PCDHGB3: variants seen among roughly 807,000 people sequenced by gnomAD.
PCDHGB3 encodes the protein protocadherin gamma subfamily B, 3.
PCDHGB3 carries 40 observed loss-of-function variants against 59.2 expected under a neutral mutation model. The observed-to-expected ratio is 0.68, with a 90% confidence interval of 0.52 to 0.88. PCDHGB3 has a LOEUF of 0.88. Among genes scored for constraint, PCDHGB3 ranks in the 40% least tolerant of loss-of-function variants. The pLI is 0.00. For synonymous variants in PCDHGB3, 581 were observed against 503.6 expected, an observed-to-expected ratio of 1.15 and a Z score of -2.06; for missense variants, 1,309 against 1,187.9, an observed-to-expected ratio of 1.10 and a Z score of -1.50.
chr5:141,423,805 G>GT (rs1384575574), intron 1 of PCDHGB3: 44 of 1,261,806 alleles, frequency 3.5e-5, no homozygotes, highest in South Asian at 8.9e-5. Context: ...AGCAATACAT[G>GT]TGAGTTTTAC....
intron 1 of PCDHGB3, among the ~76,000 whole-genome samples, chr5:141,459,559 A>AC (rs920626314): frequency 6.6e-6 from 1 of 152,198 alleles, no homozygotes; most frequent in Non-Finnish European, 1.5e-5. Flanking sequence ...TTGGATAAAT[A>AC]CCCCAAAACA....
At chr5:141,452,751 A>C (rs1592230802) in intron 1 of PCDHGB3, among the ~76,000 whole-genome samples, 1 of 152,094 alleles carries the variant, frequency 6.6e-6, no homozygotes, top group South Asian at 2.1e-4. Context: ...AGAAGGAAGA[A>C]GGAAGGGAGG....
rs369141362 is a variant in PCDHGB3 at position 141,404,800 on chromosome 5, C to T, written c.2415+31991C>T. The T allele has an allele frequency of 1.8e-5, 29 of 1,613,852 alleles. No homozygotes were observed. The Admixed American group carries it at 3.3e-4, about 19-fold the overall frequency. On this transcript the variant is annotated intron_variant, in intron 1 of 3. Transcript: ENST00000576222. ...TATTCAAGGCCAGTGAGCCAGGGCT[C>T]TTCTCGGTGGGGCTGCACACAGGTG... is the stretch of plus-strand genomic sequence containing the variant.
At chr5:141,504,303 G>A (rs1157625808) in intron 2 of PCDHGB3, among the ~76,000 whole-genome samples, 4 of 151,938 alleles carry the variant, frequency 2.6e-5, no homozygotes, top group Admixed American at 2.6e-4. Context: ...TTCAACACTC[G>A]GAGTTTCTAA....
At chr5:141,414,557 A>G (rs749209012) in intron 1 of PCDHGB3, 21 of 1,613,786 alleles carry the variant, frequency 1.3e-5, no homozygotes, top group Non-Finnish European at 1.8e-5. Context: ...CAAGTCTCCT[A>G]CTTTACCTAT....
chr5:141,414,060 G>C (rs769101242), intron 1 of PCDHGB3: 1 of 1,609,304 alleles, frequency 6.2e-7, no homozygotes, highest in South Asian at 1.1e-5. Flanking sequence ...AATTGTTGAA[G>C]TTCCAACTAA....
intron 1 of PCDHGB3, chr5:141,410,485 A>C (rs1277289074): frequency 6.2e-7 from 1 of 1,613,898 alleles, no homozygotes; most frequent in Admixed American, 1.7e-5. Context: ...ATACGGGTAC[A>C]AAAGAGTTTA....
chr5:141,447,430 A>G (rs960560239), intron 1 of PCDHGB3, among the ~76,000 whole-genome samples: 9 of 152,156 alleles, frequency 5.9e-5, no homozygotes, highest in African/African-American at 2.2e-4. Flanking sequence ...GAGCCACCGC[A>G]CCCGGAGGAA....
intron 1 of PCDHGB3, chr5:141,422,738 C>G: frequency 6.2e-7 from 1 of 1,609,538 alleles, no homozygotes; most frequent in Non-Finnish European, 8.5e-7. Flanking sequence ...CCTCTGTCCT[C>G]CTATGTCTCT....
intron 1 of PCDHGB3, chr5:141,430,828 G>C (rs760402028): frequency 1.3e-6 from 2 of 1,554,030 alleles, no homozygotes; most frequent in East Asian, 2.2e-5. Context: ...TGGGGACTCT[G>C]TGGGAGACCG....
At position 141,491,121 on chromosome 5, in the gene PCDHGB3, G is replaced by T. The variant is rs1176877834; in HGVS notation, c.2416-3686G>T. On this transcript the variant is annotated intron_variant, in intron 1 of 3. Transcript: ENST00000576222. The surrounding 1 kb of genome is among the most constrained non-coding windows in gnomAD (Gnocchi z 6.9). ...TCCTCGTGTCTACACACACTGGTGA[G>T]GTGCGCACAGCCCGGGCCTTACTGG... 5 of 1,614,200 alleles carry T rather than the reference G, an allele frequency of 3.1e-6. No individual in the cohort carries two copies. In the South Asian group the frequency reaches 5.5e-5, roughly 18 times the overall value.
chr5:141,457,422 T>C (rs2098920028), intron 1 of PCDHGB3, among the ~76,000 whole-genome samples: 1 of 151,626 alleles, frequency 6.6e-6, no homozygotes. Flanking sequence ...CATCCCTTTT[T>C]CCCCCCCACC....
At chr5:141,500,227 G>T (rs959087347) in intron 2 of PCDHGB3, among the ~76,000 whole-genome samples, 15 of 116,224 alleles carry the variant, frequency 1.3e-4, no homozygotes, top group African/African-American at 2.9e-4. Context: ...TTTATTTATT[G>T]ATACGTAGCC....
Position 141,491,029 on chromosome 5 carries a change from G to T in PCDHGB3, c.2416-3778G>T. 1 of 1,614,172 alleles carries T rather than the reference G, an allele frequency of 6.2e-7. No homozygotes were observed. The highest frequency in any genetic ancestry group is 1.1e-5 in the South Asian group (1 of 91,088). On this transcript the variant is annotated intron_variant, in intron 1 of 3. Coordinates refer to ENST00000576222, the MANE Select transcript of PCDHGB3 (RefSeq NM_018924.5). The surrounding 1 kb of genome is among the most constrained non-coding windows in gnomAD (Gnocchi z 6.9). ...GGTCACCAAGGTGACAGCCGTGGAT[G>T]CTGATGCAGGCCACAATGCGTGGCT...
chr5:141,415,845 A>G, intron 1 of PCDHGB3: 1 of 1,246,436 alleles, frequency 8.0e-7, no homozygotes, highest in Non-Finnish European at 1.0e-6. Flanking sequence ...TTAGCTTTGC[A>G]GAACCTTGTA....
At chr5:141,376,494 C>G (rs1343101587) in intron 1 of PCDHGB3, 12 of 1,614,004 alleles carry the variant, frequency 7.4e-6, no homozygotes, top group Non-Finnish European at 1.0e-5. Context: ...AAAGGAGAAC[C>G]CAGGCAACTT....
rs914956962 is a variant in PCDHGB3, at chr5:141,420,736, A to G, written c.2415+47927A>G. Among the ~76,000 whole-genome samples, 4 of 152,370 alleles carry G rather than the reference A, an allele frequency of 2.6e-5. No individual in the cohort carries two copies. In the East Asian group the frequency reaches 7.7e-4, roughly 29 times the overall value. On this transcript the variant is annotated intron_variant, in intron 1 of 3. Coordinates refer to ENST00000576222, the MANE Select transcript of PCDHGB3 (RefSeq NM_018924.5). ...TCGTTCCTTTCAGTCGGTTAAAATC[A>G]ATTGGAACCAACTACAACCTACAAG...
intron 1 of PCDHGB3, chr5:141,421,455 C>G (rs762490406): frequency 6.2e-6 from 10 of 1,614,108 alleles, no homozygotes; most frequent in South Asian, 1.1e-5. Flanking sequence ...CACAGCTTTT[C>G]GCTGTGAATC....
chr5:141,494,882 C>T lies in PCDHGB3; in HGVS notation c.2474+17C>T, dbSNP rs771484301. On this transcript the variant is annotated intron_variant, in intron 2 of 3. Transcript: ENST00000576222. ...CACCAGCGGGTAGGTGACTGATTCT[C>T]CAGCCCACCCTCTTCTCTGCGGCAT... is the stretch of plus-strand genomic sequence containing the variant. 35 of 1,614,128 alleles carry T rather than the reference C, an allele frequency of 2.2e-5. No homozygotes were observed. The highest frequency in any genetic ancestry group is 3.3e-4 in the Middle Eastern group (2 of 6,060).
Sources: allele counts gnomAD v4.1 joint callset (sites outside exome capture counted in the v4.1 genomes callset), GRCh38; gene constraint gnomAD v4.1.1; non-coding constraint Gnocchi (gnomAD v3.1); transcripts MANE v1.5; gene names NCBI Gene and HGNC (gene_info 2026-07-23, HGNC 2026-07-21).